Variants in LIN54 observed in about 807,000 individuals in gnomAD.
LIN54 encodes protein lin-54 homolog.
A neutral mutation model predicts 78.7 loss-of-function variants in LIN54; 9 were observed. That is an observed-to-expected ratio of 0.11 (90% CI 0.07 to 0.20). The LOEUF is 0.20. Among genes scored for constraint, LIN54 ranks in the 10% least tolerant of loss-of-function variants. LIN54 has a pLI of 1.00. For synonymous variants in LIN54, 269 were observed against 318.4 expected (o/e 0.84, Z 1.65); for missense variants, 573 against 889.9 (o/e 0.64, Z 4.53).
intron 1 of LIN54, among the ~76,000 whole-genome samples, chr4:82,998,334 GGAGTTCAA>G (rs1237046016): frequency 2.0e-5 from 3 of 151,954 alleles, no homozygotes; most frequent in Non-Finnish European, 4.4e-5. Context: ...CACGAGGTCA[GGAGTTCAA>G]GAACGGCCTG....
At chr4:82,931,198 A>G (rs777380428) in intron 11 of LIN54, 53 bp from the exon 12 acceptor site, 32 of 1,292,830 alleles carry the variant, frequency 2.5e-5, no homozygotes, top group Middle Eastern at 2.0e-4. Context: ...ATACATTACT[A>G]TAAGTAGATG....
chr4:82,973,471 G>A (rs564896031), intron 3 of LIN54, among the ~76,000 whole-genome samples: 1 of 152,270 alleles, frequency 6.6e-6, no homozygotes, highest in Admixed American at 6.5e-5. Context: ...AAGCAAGCAT[G>A]CAAGTTACAT....
chr4:82,992,843 A>G (rs1727849042), intron 1 of LIN54, among the ~76,000 whole-genome samples: 1 of 151,886 alleles, frequency 6.6e-6, no homozygotes, highest in Non-Finnish European at 1.5e-5. Context: ...CCTGGTTAAC[A>G]CGGTGAAACC....
intron 1 of LIN54, among the ~76,000 whole-genome samples, chr4:82,990,210 G>C (rs568148218): frequency 2.0e-5 from 3 of 152,264 alleles, no homozygotes; most frequent in Admixed American, 1.3e-4. Context: ...AAACTATCAA[G>C]AACTGTGAGG....
chr4:83,004,327 A>G (rs1729114951), intron 1 of LIN54, among the ~76,000 whole-genome samples: 1 of 137,856 alleles, frequency 7.3e-6, no homozygotes, highest in South Asian at 2.5e-4. Context: ...TGAACCTGGG[A>G]GGCGGAGGTT....
chr4:82,938,444 T>G lies in LIN54; in HGVS notation c.1501A>C (p.Ile501Leu). ...AATGGAAGCCGTGCCTGGGTCTGGA[T>G]ACCAGATGTTCCAGTAAAGGTAGAG... Reference protein sequence around the residue: ...SNSTFTGTSGIQTQARLPFNG... With the variant: ...SNSTFTGTSGLQTQARLPFNG... The change falls in exon 8 of 13, where the codon ATC (isoleucine) becomes CTC (leucine). Residue 501 changes from isoleucine to leucine, a missense_variant. This residue lies in a region of LIN54 where 101 missense variants were observed against 194.2 expected (regional missense o/e 0.52). Coordinates refer to ENST00000340417, the MANE Select transcript of LIN54 (RefSeq NM_194282.4). 1 of 1,611,308 alleles carries G rather than the reference T, an allele frequency of 6.2e-7. No homozygotes were observed.
At chr4:82,939,456 T>C (rs989699194) in intron 7 of LIN54, 83 bp downstream of exon 7, 16 of 1,161,864 alleles carry the variant, frequency 1.4e-5, no homozygotes, top group Non-Finnish European at 2.1e-5. Context: ...TTAGATGTGT[T>C]TGAGTAGCTT....
intron 2 of LIN54, among the ~76,000 whole-genome samples, chr4:82,982,347 G>A (rs1726748908): frequency 6.6e-6 from 1 of 152,080 alleles, no homozygotes; most frequent in Admixed American, 6.6e-5. Flanking sequence ...TCTCACCTCA[G>A]CCTCCTGAGT....
intron 1 of LIN54, among the ~76,000 whole-genome samples, chr4:83,010,262 G>T (rs560142756): frequency 6.6e-6 from 1 of 152,136 alleles, no homozygotes; most frequent in Non-Finnish European, 1.5e-5. Flanking sequence ...AAGTGCTAGC[G>T]GTTCCTCTAG....
Position 82,930,983 on chromosome 4 carries a change from G to A in LIN54, c.2008C>T (p.Leu670Phe). 6.2e-7 allele frequency: 1 copy of A among 1,614,190 alleles called. No individual in the cohort carries two copies. Among genetic ancestry groups the A allele is most frequent in the South Asian group, 1.1e-5 (1 of 91,086 alleles). ...TTTAAAGCTGGTGTTGGCCTAGTAA[G>A]CAAGTCTGAAATTTGAGAGGATAAC... is the stretch of plus-strand genomic sequence containing the variant. Reference protein sequence around the residue: ...TKLSSQISDLLTRPTPALNSG... With the variant: ...TKLSSQISDLFTRPTPALNSG... Residue 670 changes from leucine to phenylalanine, a missense_variant, in exon 12 of 13, where the codon CTT becomes TTT. This residue lies in a region of LIN54 where 82 missense variants were observed against 140.8 expected (regional missense o/e 0.58). Coordinates refer to ENST00000340417, the MANE Select transcript of LIN54 (RefSeq NM_194282.4).
rs572511151 is a variant in LIN54, at chr4:82,999,907, T to G, written c.-33+10577A>C. ...CAAACAGGTTTTTTGTTTTGTTGTTTCTTGAGACAGGGTCTCACTCTGTCA... is the reference window on the plus strand; with the variant it reads ...CAAACAGGTTTTTTGTTTTGTTGTTGCTTGAGACAGGGTCTCACTCTGTCA... On this transcript the variant is annotated intron_variant, in intron 1 of 12. Transcript: ENST00000340417. Among the ~76,000 whole-genome samples, 6 of 152,166 alleles carry G rather than the reference T, an allele frequency of 3.9e-5. No homozygotes were observed. In the South Asian group the frequency reaches 1.2e-3, roughly 32 times the overall value.
intron 4 of LIN54, among the ~76,000 whole-genome samples, chr4:82,967,126 T>C (rs959807089): frequency 2.7e-5 from 4 of 150,268 alleles, no homozygotes; most frequent in African/African-American, 9.8e-5. Flanking sequence ...CTCGGGACGC[T>C]GAGGCAGGAG....
At position 82,927,961 on chromosome 4, in the gene LIN54, TCTC is replaced by T. The variant is rs1464914439; in HGVS notation, c.*138_*140del. ...ACTAATTTCCTCATTTAAAATTTCT[TCTC>T]CTTCAGTATTATAATTTCAGGTCTT... On this transcript the variant is annotated 3_prime_UTR_variant, in exon 13 of 13. Coordinates refer to ENST00000340417, the MANE Select transcript of LIN54 (RefSeq NM_194282.4). 2.3e-5 allele frequency: 15 copies of T among 661,750 alleles called. 1 individual carries two copies. Among genetic ancestry groups the T allele is most frequent in the African/African-American group, 3.6e-5 (2 of 54,906 alleles). The allele number at this position is 661,750 out of a possible 1,614,324, so 41.0% of individuals were successfully genotyped here.
chr4:82,995,486 TC>T lies in LIN54; in HGVS notation c.-32-10611del, dbSNP rs1560787060. 2.9e-3 allele frequency among the ~76,000 whole-genome samples: 261 copies of T among 89,864 alleles called. 2 individuals carry two copies. The highest frequency in any genetic ancestry group is 0.01 in the African/African-American group (246 of 23,880). The allele number at this position is 89,864 out of a possible 152,430, so 59.0% of individuals were successfully genotyped here. On this transcript the variant is annotated intron_variant, in intron 1 of 12. Transcript: ENST00000340417. ...ACTGTCTTATGATTACACATCCTTA[TC>T]TCTTTTTTTTTTTTTTTTTTTTTTT...
chr4:82,946,518 C>G, intron 4 of LIN54, 44 bp from the exon 5 acceptor site: 6 of 1,430,282 alleles, frequency 4.2e-6, no homozygotes, highest in Non-Finnish European at 5.9e-6. Flanking sequence ...TGGGATGTAA[C>G]TTTCCTACTA....
chr4:82,934,133 G>A lies in LIN54; in HGVS notation c.1845+1848C>T, dbSNP rs74871511. Among the ~76,000 whole-genome samples the A allele has an allele frequency of 7.5e-3, 1,138 of 152,286 alleles. 16 individuals carry two copies. Among genetic ancestry groups the A allele is most frequent in the Middle Eastern group, 0.01 (3 of 294 alleles). On this transcript the variant is annotated intron_variant, in intron 11 of 12. Coordinates refer to ENST00000340417, the MANE Select transcript of LIN54 (RefSeq NM_194282.4). The stretch of plus-strand genomic sequence containing the variant: ...ACAGTTTAAAAAATCAACTTGCGAC[G>A]GTGGCTCATGCCTGTAATCCCAACA...
intron 4 of LIN54, among the ~76,000 whole-genome samples, chr4:82,965,565 A>C (rs1047210701): frequency 6.6e-6 from 1 of 152,238 alleles, no homozygotes; most frequent in African/African-American, 2.4e-5. Flanking sequence ...CCAGGTATCC[A>C]TTACAGCAAG....
chr4:82,960,134 A>C (rs1724668927), intron 4 of LIN54, among the ~76,000 whole-genome samples: 1 of 152,116 alleles, frequency 6.6e-6, no homozygotes. Context: ...GGTTAGGAAA[A>C]ATGTTTTTTA....
At chr4:82,945,532 C>T (rs1182419645) in intron 5 of LIN54, among the ~76,000 whole-genome samples, 2 of 151,776 alleles carry the variant, frequency 1.3e-5, no homozygotes, top group Admixed American at 6.6e-5. Context: ...CTCGCTCTGT[C>T]GCCCAGGCTG....
Sources: allele counts gnomAD v4.1 joint callset (sites outside exome capture counted in the v4.1 genomes callset), GRCh38; gene constraint gnomAD v4.1.1; regional missense constraint gnomAD v4.1.1; transcripts MANE v1.5; gene names NCBI Gene and HGNC (gene_info 2026-07-23, HGNC 2026-07-21).